MMP16: variants seen among roughly 807,000 people sequenced by gnomAD.
The protein encoded by MMP16 is matrix metallopeptidase 16.
A neutral mutation model predicts 67.8 loss-of-function variants in MMP16; 12 were observed. The observed-to-expected ratio is 0.18, with a 90% CI of 0.11 to 0.29. MMP16 has a LOEUF of 0.29. Among genes scored for constraint, MMP16 ranks in the 10% least tolerant of loss-of-function variants. The pLI is 1.00. For missense variants in MMP16, 475 were observed against 765.7 expected, an observed-to-expected ratio of 0.62 and a Z score of 4.48; for synonymous variants, 249 against 255.9, an observed-to-expected ratio of 0.97 and a Z score of 0.26.
At chr8:88,055,327 C>A (rs187040406) in intron 8 of MMP16, among the ~76,000 whole-genome samples, 2 of 152,212 alleles carry the variant, frequency 1.3e-5, no homozygotes, top group African/African-American at 2.4e-5. Flanking sequence ...CATGCCTCAG[C>A]CTCCCAAGTA....
chr8:88,116,988 CCA>C (rs1279467808), intron 5 of MMP16, among the ~76,000 whole-genome samples: 1 of 151,976 alleles, frequency 6.6e-6, no homozygotes, highest in Non-Finnish European at 1.5e-5. Flanking sequence ...CATAGCTTCA[CCA>C]CAGTTATTTT....
intron 1 of MMP16, among the ~76,000 whole-genome samples, chr8:88,262,507 G>A (rs1157585933): frequency 6.6e-6 from 1 of 152,104 alleles, no homozygotes; most frequent in Non-Finnish European, 1.5e-5. Context: ...CACACTTGAG[G>A]CTCCTCGCTA....
rs2118175655 is a variant in MMP16, at chr8:88,038,101, A to G, written c.*3360T>C. 6.6e-6 allele frequency: 1 copy of G among 152,072 alleles called. No individual in the cohort carries two copies. The highest frequency in any genetic ancestry group is 1.5e-5 in the Non-Finnish European group (1 of 67,914). 9.4% of individuals were successfully genotyped at this position (152,072 alleles called of 1,614,324 possible). ...GAATTACTTTCCCTTTCACTGTTCC[A>G]TTTGGTTTGAGACTTTTTTCCCAAA... On this transcript the variant is annotated 3_prime_UTR_variant, in exon 10 of 10. Coordinates refer to ENST00000286614, the MANE Select transcript of MMP16 (RefSeq NM_005941.5). This position sits in a 1 kb window ranked among gnomAD's most constrained non-coding sequence, Gnocchi z 4.1.
intron 1 of MMP16, among the ~76,000 whole-genome samples, chr8:88,284,447 T>C (rs898930206): frequency 1.1e-4 from 16 of 152,012 alleles, no homozygotes; most frequent in African/African-American, 3.9e-4. Context: ...CGATACTGAC[T>C]TTAAGAGAGA....
intron 3 of MMP16, among the ~76,000 whole-genome samples, chr8:88,174,112 G>A (rs1808847367): frequency 6.6e-6 from 1 of 152,144 alleles, no homozygotes; most frequent in South Asian, 2.1e-4. Context: ...ATAACTTCCA[G>A]TGTGTCCTCA....
intron 1 of MMP16, among the ~76,000 whole-genome samples, chr8:88,263,366 T>C (rs2129954143): frequency 6.6e-6 from 1 of 152,294 alleles, no homozygotes; most frequent in East Asian, 1.9e-4. Flanking sequence ...GCTGATTACT[T>C]AGAGCAGGGC....
chr8:88,217,639 C>A (rs547027879), intron 1 of MMP16, among the ~76,000 whole-genome samples: 1 of 152,052 alleles, frequency 6.6e-6, no homozygotes, highest in African/African-American at 2.4e-5. Flanking sequence ...CACCAATTCC[C>A]CTGCCTCTGC....
chr8:88,253,377 T>C (rs970519077), intron 1 of MMP16, among the ~76,000 whole-genome samples: 6 of 152,028 alleles, frequency 3.9e-5, no homozygotes, highest in Non-Finnish European at 7.4e-5. Context: ...AATCTTACAG[T>C]AGGGAAATTT....
intron 2 of MMP16, among the ~76,000 whole-genome samples, chr8:88,191,147 G>GA (rs758321576): frequency 2.0e-5 from 3 of 151,718 alleles, no homozygotes; most frequent in African/African-American, 2.4e-5. Context: ...AACTTAAAAA[G>GA]AAAAAAAATC....
At chr8:88,263,987 AGTGTGTGT>A (rs56663859) in intron 1 of MMP16, among the ~76,000 whole-genome samples, 4 of 142,104 alleles carry the variant, frequency 2.8e-5, no homozygotes, top group East Asian at 2.1e-4. Context: ...AGAGAGAGAG[AGTGTGTGT>A]GTGTGTGTGT....
intron 9 of MMP16, among the ~76,000 whole-genome samples, chr8:88,042,833 C>T (rs1808150390): frequency 6.6e-6 from 1 of 152,014 alleles, no homozygotes; most frequent in South Asian, 2.1e-4. Context: ...GGCACATATC[C>T]AGTTTTTTCT....
chr8:88,082,268 T>C (rs922456535), intron 6 of MMP16, among the ~76,000 whole-genome samples: 3 of 152,084 alleles, frequency 2.0e-5, no homozygotes, highest in African/African-American at 7.2e-5. Context: ...CATTATCAGA[T>C]TGCTTTGATC....
rs188493231 is a variant in MMP16 at position 88,266,550 on chromosome 8, T to C, written c.132+60525A>G. 2.4e-3 allele frequency among the ~76,000 whole-genome samples: 359 copies of C among 152,310 alleles called. 2 individuals are homozygous for C. In the Middle Eastern group the frequency reaches 0.027, roughly 12 times the overall value. On this transcript the variant is annotated intron_variant, in intron 1 of 9. Transcript: ENST00000286614. The stretch of plus-strand genomic sequence containing the variant: ...CTCTGGCACCTCATCCAGGAATCTT[T>C]ATGGCATTGTACTTCCACCCATTTG...
chr8:88,120,246 T>C (rs1755552072), intron 4 of MMP16, among the ~76,000 whole-genome samples: 1 of 151,686 alleles, frequency 6.6e-6, no homozygotes. Context: ...TATGACAGTG[T>C]TTGGAAGTAT....
chr8:88,119,979 C>T (rs942161405), intron 4 of MMP16, among the ~76,000 whole-genome samples: 2 of 151,850 alleles, frequency 1.3e-5, no homozygotes, highest in African/African-American at 2.4e-5. Context: ...AACCCAAAAG[C>T]CAGGCGAAAA....
intron 1 of MMP16, among the ~76,000 whole-genome samples, chr8:88,226,838 T>TC (rs1372627047): frequency 1.3e-5 from 2 of 152,044 alleles, no homozygotes; most frequent in East Asian, 3.9e-4. Flanking sequence ...GGACTTTGTT[T>TC]CCTATTAAAT....
rs1025332800 is a variant in MMP16, at chr8:88,032,320, T to C, written c.*9141A>G. The C allele has an allele frequency of 1.3e-5, 2 of 152,176 alleles. No individual in the cohort carries two copies. The highest frequency in any genetic ancestry group is 4.8e-5 in the African/African-American group (2 of 41,444). 9.4% of individuals were successfully genotyped at this position (152,176 alleles called of 1,614,324 possible). A position where few individuals can be genotyped will look rare whatever the true frequency, so the allele number is the denominator to read the frequency against. ...GGTTGCCGCAGCAGTCAAAGGGTTA[T>C]AGCATTGTAAACATAAGTACTTTGT... On this transcript the variant is annotated 3_prime_UTR_variant, in exon 10 of 10. Coordinates refer to ENST00000286614, the MANE Select transcript of MMP16 (RefSeq NM_005941.5).
chr8:88,237,850 T>C (rs551478233), intron 1 of MMP16, among the ~76,000 whole-genome samples: 8 of 152,140 alleles, frequency 5.3e-5, no homozygotes, highest in Non-Finnish European at 8.8e-5. Context: ...TTATGAACAA[T>C]CTTACGTCTT....
chr8:88,137,453 A>C (rs1195480109), intron 4 of MMP16, among the ~76,000 whole-genome samples: 2 of 151,908 alleles, frequency 1.3e-5, no homozygotes, highest in Non-Finnish European at 2.9e-5. Flanking sequence ...TCAGGTGCCA[A>C]TTTTATTTTT....
Sources: allele counts gnomAD v4.1 joint callset (sites outside exome capture counted in the v4.1 genomes callset), GRCh38; gene constraint gnomAD v4.1.1; non-coding constraint Gnocchi (gnomAD v3.1); transcripts MANE v1.5; gene names NCBI Gene and HGNC (gene_info 2026-07-23, HGNC 2026-07-21).